The following ERAP1 variants were observed in gnomAD, a reference collection of about 807,000 sequenced individuals.
ERAP1 encodes endoplasmic reticulum aminopeptidase 1.
In ERAP1, 86 loss-of-function variants were observed where a neutral mutation model predicts 103.7. The observed-to-expected ratio is 0.83, with a 90% CI of 0.70 to 0.99. ERAP1 has a LOEUF of 0.99. ERAP1 is among the 50% of genes least tolerant of loss of function. The pLI, the probability that ERAP1 is intolerant of heterozygous loss-of-function variation, is 0.00. For missense variants in ERAP1, 1,009 were observed against 1,128.4 expected (o/e 0.89, Z 1.52); for synonymous variants, 398 against 402.4 (o/e 0.99, Z 0.13).
the ERAP1 span, among the ~76,000 whole-genome samples, chr5:96,819,726 G>A: frequency 0.022 from 3,416 of 152,194 alleles, 126 homozygotes; most frequent in African/African-American, 0.078. Flanking sequence ...CCTCAAGGAA[G>A]GTTTAAATTA....
downstream of ERAP1, chr5:96,773,042 T>C (rs1773026311): frequency 6.5e-6 from 1 of 153,894 alleles, no homozygotes; most frequent in Non-Finnish European, 1.5e-5. Context: ...TAGAAAACAA[T>C]GTTTTAAACA....
chr5:96,857,796 G>A, the ERAP1 span, among the ~76,000 whole-genome samples: 91 of 152,298 alleles, frequency 6.0e-4, no homozygotes, highest in Non-Finnish European at 1.1e-3. Flanking sequence ...AAATTTAAAA[G>A]CTACAGATTG....
intron 3 of ERAP1, among the ~76,000 whole-genome samples, chr5:96,798,724 T>G (rs1777640580): frequency 6.6e-6 from 1 of 151,552 alleles, no homozygotes; most frequent in Non-Finnish European, 1.5e-5. Flanking sequence ...CTCATCCTTC[T>G]TAATACCCAT....
the ERAP1 span, among the ~76,000 whole-genome samples, chr5:96,864,944 T>C: frequency 6.6e-6 from 1 of 152,158 alleles, no homozygotes; most frequent in African/African-American, 2.4e-5. Flanking sequence ...GAGCTAATAA[T>C]CTGAAAGACA....
Position 96,783,962 on chromosome 5 carries a change from C to G in ERAP1, c.2062G>C (p.Glu688Gln). 6.2e-7 allele frequency: 1 copy of G among 1,613,770 alleles called. No individual in the cohort carries two copies. The highest frequency in any genetic ancestry group is 1.6e-4 in the Middle Eastern group (1 of 6,062). The change falls in exon 14 of 19, where the codon GAG becomes CAG. Residue 688 changes from glutamate (E) to glutamine (Q), a missense_variant. Coordinates refer to ENST00000443439, the MANE Select transcript of ERAP1 (RefSeq NM_001040458.3). ...NELIPMYKLM[E>Q]KRDMNEVETQ... Reference sequence around the variant, plus strand: ...TCCACTTCATTCATATCTCTTTTCTCCATTAACTTATACATAGGAATCAGC... The same window carrying G: ...TCCACTTCATTCATATCTCTTTTCTGCATTAACTTATACATAGGAATCAGC...
chr5:96,909,643 G>A, the ERAP1 span: 3 of 1,614,066 alleles, frequency 1.9e-6, no homozygotes, highest in African/African-American at 1.3e-5. Context: ...CAAGGGCTCA[G>A]TCTGGGACAG....
chr5:96,768,703 A>G (rs138891753), intron 19 of ERAP1, among the ~76,000 whole-genome samples: 134 of 152,332 alleles, frequency 8.8e-4, no homozygotes, highest in Non-Finnish European at 1.4e-3. Flanking sequence ...AGGCACTCTC[A>G]TGCTCATTTG....
chr5:96,771,120 TCTTCCTGTAGTAGATTCC>T (rs1220174813), downstream of ERAP1, among the ~76,000 whole-genome samples: 1 of 152,194 alleles, frequency 6.6e-6, no homozygotes, highest in African/African-American at 2.4e-5. Flanking sequence ...TATATTAAAA[TCTTCCTGTAGTAGATTCC>T]CTTAAGGGAT....
exon 20 of ERAP1, chr5:96,761,107 T>C (rs1258982681): frequency 3.9e-5 from 6 of 152,152 alleles, no homozygotes; most frequent in Admixed American, 2.6e-4. Flanking sequence ...AATCATTATT[T>C]TATGCTTTTG....
At chr5:96,900,323 A>G in the ERAP1 span, 1 of 1,353,114 alleles carries the variant, frequency 7.4e-7, no homozygotes, top group Non-Finnish European at 9.8e-7. Context: ...ATTTTCTCTA[A>G]AACAAAACTG....
At chr5:96,846,255 A>C in the ERAP1 span, among the ~76,000 whole-genome samples, 1 of 152,118 alleles carries the variant, frequency 6.6e-6, no homozygotes, top group African/African-American at 2.4e-5. Context: ...GGTCCTCTGC[A>C]TTGCTTTATT....
chr5:96,867,644 T>C, the ERAP1 span, among the ~76,000 whole-genome samples: 1 of 152,182 alleles, frequency 6.6e-6, no homozygotes, highest in Admixed American at 6.5e-5. Context: ...CATAGCCTCA[T>C]GGCAGGTTCC....
At chr5:96,869,611 A>G in the ERAP1 span, among the ~76,000 whole-genome samples, 3 of 152,218 alleles carry the variant, frequency 2.0e-5, no homozygotes, top group African/African-American at 7.2e-5. Context: ...TCAAATATCA[A>G]AAAACATTGT....
intron 3 of ERAP1, among the ~76,000 whole-genome samples, chr5:96,797,906 A>G (rs1777523763): frequency 6.6e-6 from 1 of 152,222 alleles, no homozygotes; most frequent in Non-Finnish European, 1.5e-5. Context: ...TGGCTGATCC[A>G]CTTTTCCTTA....
At chr5:96,912,819 A>C in the ERAP1 span, 1 of 1,574,560 alleles carries the variant, frequency 6.4e-7, no homozygotes, top group Non-Finnish European at 8.6e-7. Context: ...TAATTTAACT[A>C]AATTGTTATA....
chr5:96,907,210 A>G, the ERAP1 span, among the ~76,000 whole-genome samples: 9 of 152,242 alleles, frequency 5.9e-5, no homozygotes, highest in African/African-American at 1.7e-4. Context: ...AAACATTCAG[A>G]TAACATTCTA....
At chr5:96,912,842 C>A in the ERAP1 span, 2 of 1,507,700 alleles carry the variant, frequency 1.3e-6, no homozygotes, top group African/African-American at 1.4e-5. Context: ...TAAACTGACA[C>A]AAATTCAGTG....
chr5:96,820,184 C>T, the ERAP1 span, among the ~76,000 whole-genome samples: 1 of 152,122 alleles, frequency 6.6e-6, no homozygotes, highest in Non-Finnish European at 1.5e-5. Flanking sequence ...AATCATTTTA[C>T]TGCATTTTAT....
chr5:96,886,159 A>G, the ERAP1 span, among the ~76,000 whole-genome samples: 3 of 152,222 alleles, frequency 2.0e-5, no homozygotes, highest in Non-Finnish European at 2.9e-5. Flanking sequence ...TCCTCACCTG[A>G]GAAACAACAC....
Sources: allele counts gnomAD v4.1 joint callset (sites outside exome capture counted in the v4.1 genomes callset), GRCh38; gene constraint gnomAD v4.1.1; transcripts MANE v1.5; gene names NCBI Gene and HGNC (gene_info 2026-07-23, HGNC 2026-07-21).